ZNF189: variants seen among roughly 807,000 people sequenced by gnomAD.
ZNF189 encodes zinc finger protein 189.
Under a neutral mutation model 53.5 loss-of-function variants are expected in ZNF189, and 33 were observed. That is an observed-to-expected ratio of 0.62 (90% confidence interval 0.47 to 0.82). The LOEUF (loss-of-function observed/expected upper bound fraction) is 0.82. ZNF189 is among the 40% of genes least tolerant of loss of function. The pLI, the probability that ZNF189 is intolerant of heterozygous loss-of-function variation, is 0.00. For synonymous variants in ZNF189, 247 were observed against 238.8 expected (o/e 1.03, Z -0.32); for missense variants, 711 against 753.9 (o/e 0.94, Z 0.67).
Position 101,409,532 on chromosome 9 carries a change from G to A in ZNF189, c.1764G>A (p.Lys588=), listed in dbSNP as rs1036597415. ...SQQRSLVNHQ[K]IHAEVKTQET... ...AGCGCAGTCTTGTCAACCATCAGAAGATCCATGCAGAGGTGAAAACCCAAG... is the reference window on the plus strand; with the variant it reads ...AGCGCAGTCTTGTCAACCATCAGAAAATCCATGCAGAGGTGAAAACCCAAG... The change falls in exon 3 of 3, where the codon AAG becomes AAA. Residue 588 remains lysine, a synonymous_variant. Transcript: ENST00000339664. 4.3e-6 allele frequency: 7 copies of A among 1,613,974 alleles called. No homozygotes were observed. Among genetic ancestry groups the A allele is most frequent in the African/African-American group, 2.7e-5 (2 of 74,940 alleles).
At chr9:101,407,014 C>T (rs1830739804) in intron 2 of ZNF189, among the ~76,000 whole-genome samples, 1 of 152,194 alleles carries the variant, frequency 6.6e-6, no homozygotes, top group Non-Finnish European at 1.5e-5. Context: ...TAAGCTACCA[C>T]AGACTGCCCT....
At position 101,410,352 on chromosome 9, in the gene ZNF189, T is replaced by C. The variant is rs1210802961; in HGVS notation, c.*703T>C. The C allele has an allele frequency of 6.6e-6, 1 of 152,648 alleles. No homozygotes were observed. The highest frequency in any genetic ancestry group is 1.5e-5 in the Non-Finnish European group (1 of 68,050). 9.5% of individuals were successfully genotyped at this position (152,648 alleles called of 1,614,324 possible). On this transcript the variant is annotated 3_prime_UTR_variant, in exon 3 of 3. Coordinates refer to ENST00000339664, the MANE Select transcript of ZNF189 (RefSeq NM_003452.4). ...GGACCCAAAAAAGTGGAGGAAGATA[T>C]TGTTCTTTTGTGCCCTCCTACCTGT...
Position 101,399,181 on chromosome 9 carries a change from G to A in ZNF189, c.25G>A (p.Glu9Lys). MASPSPPPESKGLLTFEDV... is the reference protein window; with the variant it reads MASPSPPPKSKGLLTFEDV... Reference sequence around the variant, plus strand: ...GATGGCTTCCCCGAGCCCCCCGCCGGAGTCGAAGGTAAGTAAGCACCCCCC... The same window carrying A: ...GATGGCTTCCCCGAGCCCCCCGCCGAAGTCGAAGGTAAGTAAGCACCCCCC... Residue 9 changes from glutamate to lysine, a missense_variant, in exon 1 of 3, where the codon GAG becomes AAG. Transcript: ENST00000339664. 6.3e-7 allele frequency: 1 copy of A among 1,595,214 alleles called. No homozygotes were observed. The highest frequency in any genetic ancestry group is 8.6e-7 in the Non-Finnish European group (1 of 1,165,076).
In ZNF189 at chr9:101,409,846, A is replaced by G. The variant is rs1173416574; in HGVS notation, c.*197A>G. On this transcript the variant is annotated 3_prime_UTR_variant, in exon 3 of 3. Transcript: ENST00000339664. ...CCCTTACTCTTTGATGATCGTAGAG[A>G]AAGACTTGGTAATTTATCTAAGTAT... is the stretch of plus-strand genomic sequence containing the variant. 1.7e-6 allele frequency: 1 copy of G among 580,404 alleles called. No individual in the cohort carries two copies. Among genetic ancestry groups the G allele is most frequent in the African/African-American group, 1.9e-5 (1 of 52,728 alleles). 36.0% of individuals were successfully genotyped at this position (580,404 alleles called of 1,614,324 possible).
chr9:101,404,958 A>C (rs1239794990), intron 2 of ZNF189, among the ~76,000 whole-genome samples: 1 of 152,212 alleles, frequency 6.6e-6, no homozygotes, highest in Non-Finnish European at 1.5e-5. Flanking sequence ...TTGTAGAGGA[A>C]CTGTTGCTTT....
rs562680372 is a variant in ZNF189, at chr9:101,401,509, A to G, written c.160+1499A>G. Among the ~76,000 whole-genome samples the G allele has an allele frequency of 3.7e-4, 56 of 152,160 alleles. No individual in the cohort carries two copies. The Middle Eastern group carries it at 0.014, about 37-fold the overall frequency. Reference sequence around the variant, plus strand: ...TATTCTGATGATTGGTATGTTCATAACTCTTCAACAGGAGAAAAGAGAGGA... The same window carrying G: ...TATTCTGATGATTGGTATGTTCATAGCTCTTCAACAGGAGAAAAGAGAGGA... On this transcript the variant is annotated intron_variant, in intron 2 of 2. Transcript: ENST00000339664.
intron 2 of ZNF189, among the ~76,000 whole-genome samples, chr9:101,405,782 A>C (rs942622938): frequency 6.6e-6 from 1 of 152,176 alleles, no homozygotes. Flanking sequence ...GGACTGAAAC[A>C]TGCCCATTTT....
Position 101,398,927 on chromosome 9 carries a change from G to T in ZNF189, c.-230G>T. On this transcript the variant is annotated 5_prime_UTR_variant, in exon 1 of 3. Coordinates refer to ENST00000339664, the MANE Select transcript of ZNF189 (RefSeq NM_003452.4). ...GCTCTAGCGAGGCCTGAAAGGCTGCGTAACCAGGCAGGAGTAGGGGTTGGG... is the reference window on the plus strand; with the variant it reads ...GCTCTAGCGAGGCCTGAAAGGCTGCTTAACCAGGCAGGAGTAGGGGTTGGG... 1 of 514,786 alleles carries T rather than the reference G, an allele frequency of 1.9e-6. No individual in the cohort carries two copies. 31.9% of individuals were successfully genotyped at this position (514,786 alleles called of 1,614,324 possible). A position where few individuals can be genotyped will look rare whatever the true frequency, so the allele number is the denominator to read the frequency against.
In ZNF189 at chr9:101,409,046, G is replaced by C; in HGVS notation, c.1278G>C (p.Lys426Asn). Residue 426 changes from lysine (K) to asparagine (N), a missense_variant, in exon 3 of 3, where the codon AAG becomes AAC. Transcript: ENST00000339664. ...ATCAGAGAATTCACACCAGGGAGAAGACTTATCCATACAATGAAACTAAGG... is the reference window on the plus strand; with the variant it reads ...ATCAGAGAATTCACACCAGGGAGAACACTTATCCATACAATGAAACTAAGG... ...IQHQRIHTRE[K>N]TYPYNETKES... The C allele has an allele frequency of 5.0e-6, 8 of 1,613,802 alleles. No individual in the cohort carries two copies. The highest frequency in any genetic ancestry group is 6.8e-6 in the Non-Finnish European group (8 of 1,179,942).
In ZNF189 at chr9:101,399,035, C is replaced by T. The variant is rs1830425106; in HGVS notation, c.-122C>T. ...GTCTGGGGGCCGAGGCAGGCACTGG[C>T]CAGACCCAGCCAGGGATCCTCGTAT... On this transcript the variant is annotated 5_prime_UTR_variant, in exon 1 of 3. Transcript: ENST00000339664. 2 of 778,012 alleles carry T rather than the reference C, an allele frequency of 2.6e-6. No individual in the cohort carries two copies. Among genetic ancestry groups the T allele is most frequent in the Admixed American group, 4.0e-5 (2 of 50,444 alleles). The allele number at this position is 778,012 out of a possible 1,614,324, so 48.2% of individuals were successfully genotyped here.
Position 101,398,862 on chromosome 9 carries a change from T to C in ZNF189, c.-295T>C, listed in dbSNP as rs933313648. 5 of 596,250 alleles carry C rather than the reference T, an allele frequency of 8.4e-6. No homozygotes were observed. In the Admixed American group the frequency reaches 1.2e-4, roughly 14 times the overall value. The allele number at this position is 596,250 out of a possible 1,614,324, so 36.9% of individuals were successfully genotyped here. On this transcript the variant is annotated 5_prime_UTR_variant, in exon 1 of 3. Coordinates refer to ENST00000339664, the MANE Select transcript of ZNF189 (RefSeq NM_003452.4). ...GTCCGGGGGCGGGCGGTCATAGCGT[T>C]ACTTGGCTGCAAGGAGGAGGAACTG... is the stretch of plus-strand genomic sequence containing the variant.
intron 2 of ZNF189, among the ~76,000 whole-genome samples, chr9:101,406,801 C>T (rs757370305): frequency 2.2e-4 from 33 of 152,040 alleles, no homozygotes; most frequent in Admixed American, 1.0e-3. Flanking sequence ...GGAAGATGTC[C>T]GAAGCGGGCC....
chr9:101,398,877 A>AGGAG lies in ZNF189; in HGVS notation c.-278_-275dup. On this transcript the variant is annotated 5_prime_UTR_variant, in exon 1 of 3. Transcript: ENST00000339664. Reference sequence around the variant, plus strand: ...GTCATAGCGTTACTTGGCTGCAAGGAGGAGGAACTGGCAGCGGGGAGGAGG... The same window carrying AGGAG: ...GTCATAGCGTTACTTGGCTGCAAGGAGGAGGGAGGAACTGGCAGCGGGGAGGAGG... The AGGAG allele has an allele frequency of 1.8e-6, 1 of 542,444 alleles. No homozygotes were observed. The highest frequency in any genetic ancestry group is 3.3e-6 in the Non-Finnish European group (1 of 305,292). 33.6% of individuals were successfully genotyped at this position (542,444 alleles called of 1,614,324 possible).
In ZNF189 at chr9:101,407,597, G is replaced by C. The variant is rs144144621; in HGVS notation, c.161-332G>C. On this transcript the variant is annotated intron_variant, in intron 2 of 2. Transcript: ENST00000339664. ...TTTTTTGTAGAGATGAAGTCTCACT[G>C]TTGCCCAGGCTGGTCTCAAACTCCT... 3.4e-3 allele frequency: 1,384 copies of C among 406,610 alleles called. 16 individuals are homozygous for C. Among genetic ancestry groups the C allele is most frequent in the African/African-American group, 0.026 (1,241 of 48,596 alleles). The allele number at this position is 406,610 out of a possible 1,614,324, so 25.2% of individuals were successfully genotyped here. A position where few individuals can be genotyped will look rare whatever the true frequency, so the allele number is the denominator to read the frequency against.
chr9:101,400,570 T>C (rs1830496817), intron 2 of ZNF189, among the ~76,000 whole-genome samples: 1 of 152,236 alleles, frequency 6.6e-6, no homozygotes, highest in Non-Finnish European at 1.5e-5. Flanking sequence ...TCTTGCTTTT[T>C]CCACTCAATT....
intron 2 of ZNF189, among the ~76,000 whole-genome samples, chr9:101,402,703 T>C (rs1830579326): frequency 6.6e-6 from 1 of 152,234 alleles, no homozygotes; most frequent in African/African-American, 2.4e-5. Context: ...CCTCACTGAT[T>C]ACTGTGAGGA....
chr9:101,407,381 T>C (rs1250211260), intron 2 of ZNF189: 1 of 398,010 alleles, frequency 2.5e-6, no homozygotes, highest in African/African-American at 2.1e-5. Flanking sequence ...AGCATCTTTT[T>C]TTATTTTTAT....
chr9:101,407,567 AT>A lies in ZNF189; in HGVS notation c.161-352del, dbSNP rs952899401. The A allele has an allele frequency of 3.5e-4, 131 of 371,202 alleles. 1 individual carries two copies. Among genetic ancestry groups the A allele is most frequent in the East Asian group, 1.2e-3 (31 of 25,512 alleles). The allele number at this position is 371,202 out of a possible 1,614,324, so 23.0% of individuals were successfully genotyped here. A position where few individuals can be genotyped will look rare whatever the true frequency, so the allele number is the denominator to read the frequency against. ...ACCATGTCTGGCTAATTAAAAAAAA[AT>A]TTTTTTTTTGTAGAGATGAAGTCTC... On this transcript the variant is annotated intron_variant, in intron 2 of 2. Transcript: ENST00000339664.
At chr9:101,400,431 C>T (rs1191468461) in intron 2 of ZNF189, among the ~76,000 whole-genome samples, 1 of 152,174 alleles carries the variant, frequency 6.6e-6, no homozygotes, top group African/African-American at 2.4e-5. Flanking sequence ...CCACATCCTC[C>T]TCCTTCCCCA....
Sources: gnomAD v4.1 joint callset for allele counts (sites outside exome capture counted in the v4.1 genomes callset) on GRCh38, gnomAD v4.1.1 for gene constraint, MANE v1.5 for transcripts, NCBI Gene and HGNC (gene_info 2026-07-23, HGNC 2026-07-21) for gene names.